VNN2: variants seen among roughly 807,000 people sequenced by gnomAD.
VNN2 encodes pantetheine hydrolase VNN2.
A neutral mutation model predicts 43.0 loss-of-function variants in VNN2; 43 were observed. The observed-to-expected ratio is 1.00, with a 90% CI of 0.78 to 1.29. The LOEUF is 1.29. VNN2 is among the 50% of genes most tolerant of loss of function. VNN2 has a pLI of 0.00. For synonymous variants in VNN2, 230 were observed against 224.3 expected (o/e 1.03, Z -0.23); for missense variants, 652 against 619.7 (o/e 1.05, Z -0.55).
upstream of VNN2, chr6:132,758,018 C>CTTTTTT (rs1332482113): frequency 1.3e-5 from 2 of 159,866 alleles, no homozygotes; most frequent in East Asian, 7.3e-5. Context: ...TCTTCTTCTT[C>CTTTTTT]TTCTTCTTCT....
In VNN2 at chr6:132,751,161, C is replaced by G; in HGVS notation, c.1184G>C (p.Arg395Thr). Residue 395 changes from arginine to threonine, a missense_variant, in exon 5 of 7, where the codon AGA becomes ACA. Transcript: ENST00000326499. Reference protein sequence around the residue: ...GAFTGLHGRRRREYWQVCTLL... With the variant: ...GAFTGLHGRRTREYWQVCTLL... ...TGAAATTACCTGCCAGTACTCTCTT[C>G]TCCTTCGGCCATGTAATCCTGTAAA... is the stretch of plus-strand genomic sequence containing the variant. 3 of 1,599,998 alleles carry G rather than the reference C, an allele frequency of 1.9e-6. No homozygotes were observed. The highest frequency in any genetic ancestry group is 2.6e-6 in the Non-Finnish European group (3 of 1,173,200).
At chr6:132,758,039 C>CT (rs533088096), upstream of VNN2, 298 of 164,898 alleles carry the variant, frequency 1.8e-3, 8 homozygotes, top group South Asian at 2.9e-3. Context: ...TCTTCTTCTT[C>CT]TTTTTTTTTT....
chr6:132,750,326 T>C (rs916399179), intron 5 of VNN2, among the ~76,000 whole-genome samples: 1 of 151,896 alleles, frequency 6.6e-6, no homozygotes, highest in Admixed American at 6.6e-5. Flanking sequence ...AAAAGTTTCA[T>C]CTTTAAAATT....
chr6:132,758,025 TTCTTCTTCTTCTTC>T, upstream of VNN2: 1 of 109,572 alleles, frequency 9.1e-6, no homozygotes, highest in Non-Finnish European at 1.3e-5. Flanking sequence ...CTTCTTCTTC[TTCTTCTTCTTCTTC>T]TTTTTTTTTT....
chr6:132,755,749 A>T (rs1780423651), intron 3 of VNN2, 94 bp downstream of exon 3: 2 of 1,263,100 alleles, frequency 1.6e-6, no homozygotes, highest in East Asian at 4.9e-5. Flanking sequence ...CTCTAGTAAT[A>T]TTGTATCATA....
intron 6 of VNN2, among the ~76,000 whole-genome samples, chr6:132,746,757 G>T (rs1779741376): frequency 6.6e-6 from 1 of 152,190 alleles, no homozygotes; most frequent in South Asian, 2.1e-4. Context: ...CCAATGAAGA[G>T]TCTCCTTGAC....
intron 4 of VNN2, 140 bp downstream of exon 4, chr6:132,752,321 G>C (rs1246722698): frequency 1.0e-6 from 1 of 970,896 alleles, no homozygotes; most frequent in African/African-American, 1.6e-5. Context: ...TCAAGTGCTA[G>C]CTTTTTTTTT....
At position 132,757,864 on chromosome 6, in the gene VNN2, G is replaced by A. The variant is rs1169108999; in HGVS notation, c.20C>T (p.Pro7Leu). The change falls in exon 1 of 7, where the codon CCA becomes CTA. Residue 7 changes from proline (P) to leucine (L), a missense_variant. Transcript: ENST00000326499. MVTSSF[P>L]ISVAVFALIT... The stretch of plus-strand genomic sequence containing the variant: ...TAGGGCAAAAACTGCCACAGAGATT[G>A]GAAAAGAGGAAGTGACCATGGCCAA... 4 of 1,613,558 alleles carry A rather than the reference G, an allele frequency of 2.5e-6. No homozygotes were observed. The highest frequency in any genetic ancestry group is 2.5e-6 in the Non-Finnish European group (3 of 1,179,760).
chr6:132,762,371 G>A (rs116894104), upstream of VNN2, among the ~76,000 whole-genome samples: 20 of 152,276 alleles, frequency 1.3e-4, 1 homozygote, highest in Middle Eastern at 6.8e-3. Flanking sequence ...AGGGTGACAC[G>A]TCAAAATAAG....
chr6:132,754,331 C>T (rs564597106), intron 3 of VNN2, among the ~76,000 whole-genome samples: 2 of 152,290 alleles, frequency 1.3e-5, no homozygotes, highest in East Asian at 3.9e-4. Context: ...AAGAAGCTGT[C>T]AAAATCCACA....
At chr6:132,753,386 A>C in intron 3 of VNN2, 1 of 401,388 alleles carries the variant, frequency 2.5e-6, no homozygotes, top group South Asian at 1.8e-5. Flanking sequence ...TGGTGCCTAG[A>C]AACGTAATAT....
chr6:132,756,441 T>A (rs1012136756), intron 2 of VNN2, among the ~76,000 whole-genome samples: 32 of 152,198 alleles, frequency 2.1e-4, no homozygotes, highest in African/African-American at 7.5e-4. Context: ...CCTCTTGCTG[T>A]TGCCAGTTCC....
upstream of VNN2, among the ~76,000 whole-genome samples, chr6:132,759,123 T>C (rs1268791057): frequency 6.6e-6 from 1 of 152,016 alleles, no homozygotes; most frequent in Non-Finnish European, 1.5e-5. Flanking sequence ...TAGCAGCAAA[T>C]AACAACAATG....
intron 6 of VNN2, among the ~76,000 whole-genome samples, 177 bp from the exon 7 acceptor site, chr6:132,744,668 A>T (rs550645196): frequency 6.6e-6 from 1 of 152,362 alleles, no homozygotes; most frequent in East Asian, 1.9e-4. Context: ...AGACTAGAGC[A>T]ATTCAAGAGG....
upstream of VNN2, among the ~76,000 whole-genome samples, chr6:132,759,212 A>G (rs533967619): frequency 5.7e-4 from 86 of 152,108 alleles, no homozygotes; most frequent in South Asian, 3.1e-3. Context: ...CGAGGCAGGC[A>G]GATCACCTGA....
intron 6 of VNN2, among the ~76,000 whole-genome samples, chr6:132,744,966 G>T (rs1779633241): frequency 1.3e-5 from 2 of 152,174 alleles, no homozygotes; most frequent in Non-Finnish European, 2.9e-5. Flanking sequence ...GACACAAGCT[G>T]CCAAAAACTC....
chr6:132,758,062 T>TTGAGGCGGAG (rs1780615407), upstream of VNN2: 1 of 520,468 alleles, frequency 1.9e-6, no homozygotes, highest in Non-Finnish European at 3.1e-6. Flanking sequence ...TTTTTTTTTT[T>TTGAGGCGGAG]TGAGGCGGAG....
Position 132,749,691 on chromosome 6 carries a change from T to A in VNN2, c.1371+4A>T, listed in dbSNP as rs1562243245. 2 of 1,610,488 alleles carry A rather than the reference T, an allele frequency of 1.2e-6. No individual in the cohort carries two copies. Among genetic ancestry groups the A allele is most frequent in the East Asian group, 2.2e-5 (1 of 44,798 alleles). Reference sequence around the variant, plus strand: ...TGAAAATACTCTTATAAAAGTCCTCTTACCTCAAATTTTCCAGGTGACAGA... The same window carrying A: ...TGAAAATACTCTTATAAAAGTCCTCATACCTCAAATTTTCCAGGTGACAGA... On this transcript the variant is annotated splice_donor_region_variant and intron_variant, in intron 6 of 6. Coordinates refer to ENST00000326499, the MANE Select transcript of VNN2 (RefSeq NM_004665.6).
chr6:132,750,660 T>C (rs1248596528), intron 5 of VNN2, among the ~76,000 whole-genome samples: 2 of 117,370 alleles, frequency 1.7e-5, no homozygotes, highest in Admixed American at 9.2e-5. Flanking sequence ...TGAAATTGTC[T>C]CAAAAAAAAA....
Sources: gnomAD v4.1 joint callset for allele counts (sites outside exome capture counted in the v4.1 genomes callset) on GRCh38, gnomAD v4.1.1 for gene constraint, MANE v1.5 for transcripts, NCBI Gene and HGNC (gene_info 2026-07-23, HGNC 2026-07-21) for gene names.